Variants in MAGI2 observed in about 807,000 individuals in gnomAD.
MAGI2 encodes the protein membrane associated guanylate kinase, WW and PDZ domain containing 2, also known as membrane-associated guanylate kinase, WW and PDZ domain-containing protein 2.
MAGI2 carries 35 observed loss-of-function variants against 133.3 expected under a neutral mutation model. The observed-to-expected ratio is 0.26, with a 90% CI of 0.20 to 0.35. The LOEUF (loss-of-function observed/expected upper bound fraction) is 0.35. MAGI2 is among the 10% of genes least tolerant of loss of function. The probability of loss-of-function intolerance (pLI) is 1.00; values close to 1 mark genes in which losing one functional copy is unlikely to be tolerated. For synonymous variants in MAGI2, 729 were observed against 710.6 expected, an observed-to-expected ratio of 1.03 and a Z score of -0.41; for missense variants, 1,636 against 1,863.4, an observed-to-expected ratio of 0.88 and a Z score of 2.25.
chr7:79,155,569 T>A (rs1393919355), intron 1 of MAGI2, among the ~76,000 whole-genome samples: 1 of 151,962 alleles, frequency 6.6e-6, no homozygotes, highest in African/African-American at 2.4e-5. Flanking sequence ...GGAGAAAGAA[T>A]CCAGAGAAGG....
intron 1 of MAGI2, among the ~76,000 whole-genome samples, chr7:79,367,320 A>G (rs1370330299): frequency 6.6e-6 from 1 of 152,250 alleles, no homozygotes; most frequent in Non-Finnish European, 1.5e-5. Flanking sequence ...TAATCAGTGG[A>G]AAGTCCTATT....
chr7:79,203,659 G>T (rs1828798681), intron 1 of MAGI2, among the ~76,000 whole-genome samples: 1 of 151,844 alleles, frequency 6.6e-6, no homozygotes, highest in Non-Finnish European at 1.5e-5. Context: ...TATATATATT[G>T]ACTTGCTCAG....
chr7:78,577,526 A>G (rs901213479), intron 3 of MAGI2, among the ~76,000 whole-genome samples: 2 of 152,184 alleles, frequency 1.3e-5, no homozygotes, highest in South Asian at 2.1e-4. Context: ...TGTGTGAGCA[A>G]TAAAGCTGTT....
At chr7:79,210,142 G>T (rs534735470) in intron 1 of MAGI2, among the ~76,000 whole-genome samples, 1 of 152,020 alleles carries the variant, frequency 6.6e-6, no homozygotes, top group Non-Finnish European at 1.5e-5. Flanking sequence ...GAATTTTCCT[G>T]TTGGCATAGA....
At chr7:79,249,827 T>C in intron 1 of MAGI2, among the ~76,000 whole-genome samples, 1 of 152,152 alleles carries the variant, frequency 6.6e-6, no homozygotes, top group East Asian at 1.9e-4. Flanking sequence ...ATACTGAATC[T>C]TGACAAAGAC....
chr7:78,322,814 G>A (rs1422796963), intron 9 of MAGI2, among the ~76,000 whole-genome samples: 2 of 152,088 alleles, frequency 1.3e-5, no homozygotes, highest in Non-Finnish European at 2.9e-5. Flanking sequence ...TGTTAAAGTT[G>A]TATATGAATA....
At chr7:78,475,135 A>T (rs1466473454) in intron 6 of MAGI2, among the ~76,000 whole-genome samples, 1 of 151,998 alleles carries the variant, frequency 6.6e-6, no homozygotes, top group African/African-American at 2.4e-5. Context: ...AGATCCATGA[A>T]TGCTACTATC....
At chr7:78,209,246 G>A (rs372856058) in intron 10 of MAGI2, among the ~76,000 whole-genome samples, 580 of 61,888 alleles carry the variant, frequency 9.4e-3, no homozygotes, top group East Asian at 0.021. Flanking sequence ...AAAAAAAAAA[G>A]ACAGGAACCT....
intron 3 of MAGI2, among the ~76,000 whole-genome samples, chr7:78,538,007 T>G (rs1798099607): frequency 6.6e-6 from 1 of 152,190 alleles, no homozygotes; most frequent in Admixed American, 6.5e-5. Context: ...TATCTTGAGT[T>G]GATTTTTGTA....
chr7:78,697,027 A>G (rs1817590492), intron 2 of MAGI2, among the ~76,000 whole-genome samples: 2 of 152,200 alleles, frequency 1.3e-5, no homozygotes, highest in Non-Finnish European at 2.9e-5. Flanking sequence ...AACATGTGCT[A>G]TGTGGATCAT....
At chr7:78,962,533 A>G (rs1218994318) in intron 2 of MAGI2, among the ~76,000 whole-genome samples, 1 of 150,760 alleles carries the variant, frequency 6.6e-6, no homozygotes, top group Non-Finnish European at 1.5e-5. Context: ...CTTCCCAGAT[A>G]GGTACATGCT....
chr7:78,601,404 A>G (rs891637502), intron 3 of MAGI2, among the ~76,000 whole-genome samples: 3 of 152,170 alleles, frequency 2.0e-5, no homozygotes, highest in Non-Finnish European at 4.4e-5. Context: ...AATCACTTGT[A>G]ATTTTTTTCT....
chr7:79,174,633 T>C (rs1003719968), intron 1 of MAGI2, among the ~76,000 whole-genome samples: 10 of 150,416 alleles, frequency 6.6e-5, no homozygotes, highest in African/African-American at 2.5e-4. Flanking sequence ...GGGAGGATCT[T>C]AAATCAGCCT....
At chr7:78,721,317 A>G (rs554251008) in intron 2 of MAGI2, among the ~76,000 whole-genome samples, 34 of 152,138 alleles carry the variant, frequency 2.2e-4, no homozygotes, top group African/African-American at 6.7e-4. Flanking sequence ...AAAATAATGA[A>G]GTCTCTCAGC....
At chr7:79,142,466 G>A (rs892357989) in intron 1 of MAGI2, among the ~76,000 whole-genome samples, 4 of 152,098 alleles carry the variant, frequency 2.6e-5, no homozygotes, top group Non-Finnish European at 5.9e-5. Flanking sequence ...CAACCTTATG[G>A]CTGCATGCCT....
At chr7:78,695,553 G>A (rs1266014185) in intron 2 of MAGI2, among the ~76,000 whole-genome samples, 1 of 152,074 alleles carries the variant, frequency 6.6e-6, no homozygotes, top group African/African-American at 2.4e-5. Flanking sequence ...TCATATTTTG[G>A]GGTTTCTAGA....
At chr7:79,442,487 T>TGTGTGTGTGTGTG (rs1848559541) in intron 1 of MAGI2, among the ~76,000 whole-genome samples, 1 of 150,732 alleles carries the variant, frequency 6.6e-6, no homozygotes, top group Non-Finnish European at 1.5e-5. Context: ...TGTGTGTGTG[T>TGTGTGTGTGTGTG]TCCATGTATC....
chr7:79,057,491 G>A (rs1265286641), intron 1 of MAGI2, among the ~76,000 whole-genome samples: 1 of 152,182 alleles, frequency 6.6e-6, no homozygotes, highest in Admixed American at 6.5e-5. Flanking sequence ...TAATATGTAA[G>A]CTTATAATAT....
At chr7:78,859,591 G>A (rs922514066) in intron 2 of MAGI2, among the ~76,000 whole-genome samples, 1 of 152,216 alleles carries the variant, frequency 6.6e-6, no homozygotes, top group East Asian at 1.9e-4. Context: ...GGCTTGTAGA[G>A]TTTCTGCTGA....
Sources: gnomAD v4.1 joint callset for allele counts (sites outside exome capture counted in the v4.1 genomes callset) on GRCh38, gnomAD v4.1.1 for gene constraint, MANE v1.5 for transcripts, NCBI Gene and HGNC (gene_info 2026-07-23, HGNC 2026-07-21) for gene names.